Variants in SLCO3A1 observed in about 807,000 individuals in gnomAD.
The protein encoded by SLCO3A1 is solute carrier organic anion transporter family member 3A1.
In SLCO3A1, 27 loss-of-function variants were observed where a neutral mutation model predicts 63.1. That is an observed-to-expected ratio of 0.43 (90% CI 0.32 to 0.59). The LOEUF (loss-of-function observed/expected upper bound fraction) is 0.59. Among genes scored for constraint, SLCO3A1 ranks in the 20% least tolerant of loss-of-function variants. The pLI, the probability that SLCO3A1 is intolerant of heterozygous loss-of-function variation, is 0.09. For synonymous variants in SLCO3A1, 473 were observed against 409.9 expected (o/e 1.15, Z -1.86); for missense variants, 773 against 945.8 (o/e 0.82, Z 2.40).
chr15:92,132,814 G>T (rs1262941891), intron 7 of SLCO3A1, among the ~76,000 whole-genome samples: 1 of 145,064 alleles, frequency 6.9e-6, no homozygotes, highest in East Asian at 1.9e-4. Flanking sequence ...GCTCCATTAT[G>T]GGCCCAGGCA....
At chr15:91,871,728 T>C (rs574087458) in intron 1 of SLCO3A1, among the ~76,000 whole-genome samples, 1 of 151,830 alleles carries the variant, frequency 6.6e-6, no homozygotes, top group South Asian at 2.1e-4. Context: ...CCTTTTGACT[T>C]TATGACACTG....
chr15:92,056,419 C>T (rs1469802035), intron 2 of SLCO3A1, among the ~76,000 whole-genome samples: 2 of 152,160 alleles, frequency 1.3e-5, no homozygotes, highest in African/African-American at 4.8e-5. Flanking sequence ...TGGGCCAGAG[C>T]AGGGCAAATA....
intron 2 of SLCO3A1, among the ~76,000 whole-genome samples, chr15:92,036,204 C>G (rs1383544132): frequency 6.6e-6 from 1 of 152,152 alleles, no homozygotes; most frequent in Admixed American, 6.5e-5. Context: ...GTGGATCTTG[C>G]CTGGAGCACA....
At chr15:91,907,829 A>G (rs369378789) in intron 1 of SLCO3A1, among the ~76,000 whole-genome samples, 18 of 152,244 alleles carry the variant, frequency 1.2e-4, no homozygotes, top group East Asian at 3.9e-4. Flanking sequence ...CCCAGCTCCA[A>G]TGAAGCCTTT....
chr15:92,001,315 G>A (rs1377748646), intron 2 of SLCO3A1, among the ~76,000 whole-genome samples: 1 of 152,196 alleles, frequency 6.6e-6, no homozygotes, highest in East Asian at 1.9e-4. Flanking sequence ...AAGGCATCCA[G>A]CTTAGGACCT....
At chr15:92,025,055 A>G (rs1325251218) in intron 2 of SLCO3A1, among the ~76,000 whole-genome samples, 2 of 151,810 alleles carry the variant, frequency 1.3e-5, no homozygotes, top group Non-Finnish European at 1.5e-5. Flanking sequence ...CTATCCATCT[A>G]TCCATCCTTC....
chr15:91,884,808 C>T (rs765178883), intron 1 of SLCO3A1, among the ~76,000 whole-genome samples: 1 of 151,882 alleles, frequency 6.6e-6, no homozygotes, highest in Non-Finnish European at 1.5e-5. Context: ...TGTATGCTTA[C>T]TCTATGCCAG....
At chr15:92,066,295 C>A (rs1450228448) in intron 2 of SLCO3A1, among the ~76,000 whole-genome samples, 3 of 152,212 alleles carry the variant, frequency 2.0e-5, no homozygotes, top group African/African-American at 7.2e-5. Flanking sequence ...ACGGAAAGAA[C>A]CTGTTCAAAT....
intron 1 of SLCO3A1, among the ~76,000 whole-genome samples, chr15:91,864,244 A>T (rs948972278): frequency 1.1e-4 from 16 of 152,194 alleles, no homozygotes; most frequent in African/African-American, 2.7e-4. Flanking sequence ...GAATCTCTGC[A>T]TTCATTGCTT....
intron 2 of SLCO3A1, among the ~76,000 whole-genome samples, chr15:91,944,240 C>T (rs371469142): frequency 0.022 from 3,273 of 148,390 alleles, 121 homozygotes; most frequent in African/African-American, 0.075. Context: ...TACCATATCC[C>T]TGTGCAAGGT....
chr15:91,860,981 C>T lies in SLCO3A1; in HGVS notation c.180+6893C>T, dbSNP rs72765737. Reference sequence around the variant, plus strand: ...CATACCTTCTGCACAACACCACTCCCGTTCCATCTGTAGTCTTAGAAGCAG... The same window carrying T: ...CATACCTTCTGCACAACACCACTCCTGTTCCATCTGTAGTCTTAGAAGCAG... On this transcript the variant is annotated intron_variant, in intron 1 of 9. Coordinates refer to ENST00000318445, the MANE Select transcript of SLCO3A1 (RefSeq NM_013272.4). The surrounding 1 kb of genome is among the most constrained non-coding windows in gnomAD (Gnocchi z 5.5). 5.1e-3 allele frequency among the ~76,000 whole-genome samples: 781 copies of T among 152,336 alleles called. 8 individuals carry two copies. The highest frequency in any genetic ancestry group is 0.018 in the African/African-American group (729 of 41,558).
intron 3 of SLCO3A1, among the ~76,000 whole-genome samples, chr15:92,102,831 C>T (rs999385728): frequency 6.6e-6 from 1 of 152,174 alleles, no homozygotes; most frequent in African/African-American, 2.4e-5. Context: ...TGAAGAGGGG[C>T]AGTGGAACAG....
intron 3 of SLCO3A1, among the ~76,000 whole-genome samples, chr15:92,096,938 G>T (rs981572478): frequency 5.9e-5 from 9 of 152,338 alleles, no homozygotes; most frequent in South Asian, 4.1e-4. Context: ...AGGCTGGGAA[G>T]ACACAGGACA....
At chr15:92,056,717 G>A (rs17644604) in intron 2 of SLCO3A1, among the ~76,000 whole-genome samples, 18,649 of 151,984 alleles carry the variant, frequency 0.12, 1,304 homozygotes, top group East Asian at 0.25. Context: ...TCACTTTTCC[G>A]CTGAGAAAAG....
intron 1 of SLCO3A1, among the ~76,000 whole-genome samples, chr15:91,884,651 G>A (rs899763252): frequency 6.6e-6 from 1 of 151,990 alleles, no homozygotes; most frequent in Non-Finnish European, 1.5e-5. Flanking sequence ...ATTATGAAAT[G>A]TCTATTTTCT....
At chr15:92,135,784 G>C (rs1438847592) in intron 7 of SLCO3A1, among the ~76,000 whole-genome samples, 1 of 152,174 alleles carries the variant, frequency 6.6e-6, no homozygotes, top group African/African-American at 2.4e-5. Context: ...AGAACATCAG[G>C]TGCAAAAGAT....
chr15:91,901,389 T>A (rs1898151248), intron 1 of SLCO3A1, among the ~76,000 whole-genome samples: 1 of 152,226 alleles, frequency 6.6e-6, no homozygotes, highest in Non-Finnish European at 1.5e-5. Flanking sequence ...GAAAAATACA[T>A]TTATATAGCT....
intron 1 of SLCO3A1, among the ~76,000 whole-genome samples, chr15:91,892,082 C>G (rs757530400): frequency 1.3e-5 from 2 of 152,200 alleles, no homozygotes; most frequent in East Asian, 1.9e-4. Context: ...CCCCCTCCCC[C>G]CAGCTTTGCC....
intron 2 of SLCO3A1, among the ~76,000 whole-genome samples, chr15:92,065,610 C>T (rs1185207791): frequency 6.6e-6 from 1 of 152,124 alleles, no homozygotes; most frequent in Non-Finnish European, 1.5e-5. Context: ...AACTGTATGG[C>T]CGCCTTTCCC....
Sources: gnomAD v4.1 joint callset for allele counts (sites outside exome capture counted in the v4.1 genomes callset) on GRCh38, gnomAD v4.1.1 for gene constraint, Gnocchi (gnomAD v3.1) non-coding constraint, MANE v1.5 for transcripts, NCBI Gene and HGNC (gene_info 2026-07-23, HGNC 2026-07-21) for gene names.